Variants in CNDP1 observed in about 807,000 individuals in gnomAD.
The protein encoded by CNDP1 is carnosine dipeptidase 1.
Under a neutral mutation model 58.1 loss-of-function variants are expected in CNDP1, and 44 were observed. That is an observed-to-expected ratio of 0.76 (90% CI 0.60 to 0.97). The LOEUF (loss-of-function observed/expected upper bound fraction) is 0.97. Among genes scored for constraint, CNDP1 ranks in the 50% least tolerant of loss-of-function variants. CNDP1 has a pLI of 0.00. For synonymous variants in CNDP1, 254 were observed against 252.6 expected, an observed-to-expected ratio of 1.01 and a Z score of -0.05; for missense variants, 616 against 655.1, an observed-to-expected ratio of 0.94 and a Z score of 0.65.
intron 9 of CNDP1, among the ~76,000 whole-genome samples, chr18:74,579,187 TTCCTTCCCTTCCC>T: frequency 2.5e-5 from 2 of 78,514 alleles, no homozygotes; most frequent in East Asian, 3.9e-4. Flanking sequence ...CCTTCTCCCT[TTCCTTCCCTTCCC>T]TTGCCTTCCC....
intron 10 of CNDP1, among the ~76,000 whole-genome samples, chr18:74,580,660 A>C (rs1981766458): frequency 6.6e-6 from 1 of 152,218 alleles, no homozygotes; most frequent in African/African-American, 2.4e-5. Context: ...CCAACATGTA[A>C]AAACATCCTT....
intron 5 of CNDP1, among the ~76,000 whole-genome samples, chr18:74,564,903 A>T (rs140047646): frequency 4.6e-4 from 70 of 152,352 alleles, no homozygotes; most frequent in African/African-American, 1.5e-3. Flanking sequence ...CAAATAGTGG[A>T]TCTTCAAAGG....
Position 74,545,871 on chromosome 18 carries a change from G to T in CNDP1, c.25-10467G>T, listed in dbSNP as rs529130045. On this transcript the variant is annotated intron_variant, in intron 1 of 11. Coordinates refer to ENST00000358821, the MANE Select transcript of CNDP1 (RefSeq NM_032649.6). This position sits in a 1 kb window ranked among gnomAD's most constrained non-coding sequence, Gnocchi z 4.1. ...AGGAGAATGTTCGCCTTGGGTTTTG[G>T]CTCCAGCGTCAGGCACAGCCTCATG... 3.9e-5 allele frequency among the ~76,000 whole-genome samples: 6 copies of T among 152,230 alleles called. No homozygotes were observed. The South Asian group carries it at 1.2e-3, about 32-fold the overall frequency.
chr18:74,571,840 T>C (rs1981487349), intron 7 of CNDP1, among the ~76,000 whole-genome samples: 1 of 152,154 alleles, frequency 6.6e-6, no homozygotes, highest in African/African-American at 2.4e-5. Flanking sequence ...GTTCTGGGTG[T>C]GGGTGACCAG....
At chr18:74,541,900 G>A (rs1269016317) in intron 1 of CNDP1, among the ~76,000 whole-genome samples, 1 of 152,182 alleles carries the variant, frequency 6.6e-6, no homozygotes, top group African/African-American at 2.4e-5. Flanking sequence ...ACATAAAGTT[G>A]GGGTGCTGTC....
chr18:74,572,970 G>A (rs879429968), intron 7 of CNDP1, among the ~76,000 whole-genome samples: 1 of 152,112 alleles, frequency 6.6e-6, no homozygotes, highest in Non-Finnish European at 1.5e-5. Context: ...GTGTTGGGAG[G>A]ATCTTCTCAA....
chr18:74,549,408 T>C (rs1467474011), intron 1 of CNDP1, among the ~76,000 whole-genome samples: 3 of 152,244 alleles, frequency 2.0e-5, no homozygotes, highest in Admixed American at 6.5e-5. Context: ...CCCCGAACAG[T>C]TTTTATATTT....
At chr18:74,579,536 G>A (rs994135952) in intron 9 of CNDP1, among the ~76,000 whole-genome samples, 4 of 152,012 alleles carry the variant, frequency 2.6e-5, no homozygotes, top group African/African-American at 9.7e-5. Flanking sequence ...TTCTATAAAT[G>A]TGTGTTGAAG....
At position 74,545,878 on chromosome 18, in the gene CNDP1, C is replaced by T. The variant is rs1266800715; in HGVS notation, c.25-10460C>T. On this transcript the variant is annotated intron_variant, in intron 1 of 11. Transcript: ENST00000358821. This position sits in a 1 kb window ranked among gnomAD's most constrained non-coding sequence, Gnocchi z 4.1. ...TGTTCGCCTTGGGTTTTGGCTCCAG[C>T]GTCAGGCACAGCCTCATGGATCCCT... Among the ~76,000 whole-genome samples the T allele has an allele frequency of 6.6e-6, 1 of 152,184 alleles. No homozygotes were observed. The highest frequency in any genetic ancestry group is 1.5e-5 in the Non-Finnish European group (1 of 68,042).
rs578005310 is a variant in CNDP1 at position 74,585,248 on chromosome 18, C to T, written c.*686C>T. The T allele has an allele frequency of 6.6e-6, 1 of 152,136 alleles. No individual in the cohort carries two copies. The highest frequency in any genetic ancestry group is 2.1e-4 in the South Asian group (1 of 4,828). The allele number at this position is 152,136 out of a possible 1,614,324, so 9.4% of individuals were successfully genotyped here. Reference sequence around the variant, plus strand: ...TTTCCTGAGATCGATGCCACCTTGTCAGCTTCTCTGCCTCCCGTTCCTTCT... The same window carrying T: ...TTTCCTGAGATCGATGCCACCTTGTTAGCTTCTCTGCCTCCCGTTCCTTCT... On this transcript the variant is annotated 3_prime_UTR_variant, in exon 12 of 12. Transcript: ENST00000358821.
intron 9 of CNDP1, among the ~76,000 whole-genome samples, chr18:74,579,355 C>T (rs1330936366): frequency 6.8e-6 from 1 of 146,452 alleles, no homozygotes; most frequent in Non-Finnish European, 1.5e-5. Flanking sequence ...TCCCCTCCCC[C>T]TCCCTTCCCT....
At chr18:74,542,310 T>C (rs1980646058) in intron 1 of CNDP1, among the ~76,000 whole-genome samples, 1 of 152,224 alleles carries the variant, frequency 6.6e-6, no homozygotes, top group East Asian at 1.9e-4. Context: ...TTATCCAGGA[T>C]ACAAACATTT....
chr18:74,578,176 T>C lies in CNDP1; in HGVS notation c.1016T>C (p.Met339Thr). 1 of 1,608,542 alleles carries C rather than the reference T, an allele frequency of 6.2e-7. No homozygotes were observed. The highest frequency in any genetic ancestry group is 8.5e-7 in the Non-Finnish European group (1 of 1,178,418). Reference sequence around the variant, plus strand: ...ATTTTAATATAGGAGGAGATTCTAATGCACCTCTGGAGGTACCCATCTCTT... The same window carrying C: ...ATTTTAATATAGGAGGAGATTCTAACGCACCTCTGGAGGTACCCATCTCTT... ...FLFDTKEEIL[M>T]HLWRYPSLSI... Residue 339 changes from methionine (M) to threonine (T), a missense_variant, in exon 9 of 12, where the codon ATG (methionine) becomes ACG (threonine). Physicochemically the swap from Met to Thr is moderately conservative, Grantham distance 81. Transcript: ENST00000358821.
intron 10 of CNDP1, among the ~76,000 whole-genome samples, chr18:74,581,794 G>T (rs1446107822): frequency 6.6e-6 from 1 of 152,166 alleles, no homozygotes; most frequent in Non-Finnish European, 1.5e-5. Flanking sequence ...GCAGAATGGG[G>T]GCTCTTCCCA....
rs370327722 is a variant in CNDP1 at position 74,578,225 on chromosome 18, G to A, written c.1065G>A (p.Ala355=). 1.4e-5 allele frequency: 22 copies of A among 1,613,870 alleles called. No individual in the cohort carries two copies. The highest frequency in any genetic ancestry group is 1.9e-5 in the Non-Finnish European group (22 of 1,179,994). Residue 355 remains alanine, a synonymous_variant, in exon 9 of 12, where the codon GCG becomes GCA. Coordinates refer to ENST00000358821, the MANE Select transcript of CNDP1 (RefSeq NM_032649.6). ...PSLSIHGIEG[A]FDEPGTKTVI... Reference sequence around the variant, plus strand: ...TTTCTATTCATGGGATCGAGGGCGCGTTTGATGAGCCTGGAACTAAAACAG... The same window carrying A: ...TTTCTATTCATGGGATCGAGGGCGCATTTGATGAGCCTGGAACTAAAACAG...
At chr18:74,555,300 C>G (rs2144651318) in intron 1 of CNDP1, among the ~76,000 whole-genome samples, 1 of 152,256 alleles carries the variant, frequency 6.6e-6, no homozygotes, top group African/African-American at 2.4e-5. Context: ...CTGGGGATAG[C>G]TGGTGGCTTT....
At chr18:74,574,541 CTG>C (rs920078154) in intron 7 of CNDP1, among the ~76,000 whole-genome samples, 9 of 152,184 alleles carry the variant, frequency 5.9e-5, no homozygotes, top group Non-Finnish European at 1.3e-4. Context: ...ATGCAGGATT[CTG>C]TTTCCTGTGG....
At chr18:74,574,027 G>A (rs1051063754) in intron 7 of CNDP1, among the ~76,000 whole-genome samples, 17 of 152,228 alleles carry the variant, frequency 1.1e-4, no homozygotes, top group Non-Finnish European at 2.2e-4. Flanking sequence ...TTTGCTTGCC[G>A]ACAGGCTGGG....
intron 1 of CNDP1, among the ~76,000 whole-genome samples, chr18:74,550,475 A>C (rs2144646823): frequency 6.6e-6 from 1 of 152,252 alleles, no homozygotes; most frequent in Non-Finnish European, 1.5e-5. Context: ...TTACAGGCTC[A>C]TAGGTGAGAG....
Sources: gnomAD v4.1 joint callset for allele counts (sites outside exome capture counted in the v4.1 genomes callset) on GRCh38, gnomAD v4.1.1 for gene constraint, Gnocchi (gnomAD v3.1) non-coding constraint, MANE v1.5 for transcripts, NCBI Gene and HGNC (gene_info 2026-07-23, HGNC 2026-07-21) for gene names.